The following MECOM variants were observed in gnomAD, a reference collection of about 807,000 sequenced individuals.
The protein encoded by MECOM is histone-lysine N-methyltransferase MECOM.
A neutral mutation model predicts 116.3 loss-of-function variants in MECOM; 13 were observed. The observed-to-expected ratio is 0.11, with a 90% confidence interval of 0.07 to 0.18. The LOEUF is 0.18. MECOM is among the 10% of genes least tolerant of loss of function. The pLI is 1.00. For missense variants in MECOM, 1,299 were observed against 1,509.0 expected (o/e 0.86, Z 2.31); for synonymous variants, 528 against 535.2 (o/e 0.99, Z 0.19).
chr3:169,596,193 A>G (rs1385294529), intron 1 of MECOM, among the ~76,000 whole-genome samples: 5 of 152,184 alleles, frequency 3.3e-5, no homozygotes, highest in African/African-American at 1.2e-4. Context: ...TACTTCCGAG[A>G]GATGTGCAAG....
chr3:169,400,549 T>C (rs1256554598), intron 1 of MECOM, among the ~76,000 whole-genome samples: 1 of 152,200 alleles, frequency 6.6e-6, no homozygotes, highest in Non-Finnish European at 1.5e-5. Flanking sequence ...TGGTTTTCTA[T>C]ATATATACAG....
At position 169,645,004 on chromosome 3, in the gene MECOM, C is replaced by A. The variant is rs568184811; in HGVS notation, c.37+18332G>T. ...ACACACAAATGACTGTGTTTCTCAA[C>A]AGGGGCTGTTTCTGTGTCCGTCCCA... is the stretch of plus-strand genomic sequence containing the variant. On this transcript the variant is annotated intron_variant, in intron 1 of 16. Coordinates refer to ENST00000651503, the MANE Select transcript of MECOM (RefSeq NM_004991.4). Among the ~76,000 whole-genome samples the A allele has an allele frequency of 2.6e-5, 4 of 152,284 alleles. No individual in the cohort carries two copies. The East Asian group carries it at 5.8e-4, about 22-fold the overall frequency.
At chr3:169,382,972 T>A (rs1233317862) in intron 1 of MECOM, among the ~76,000 whole-genome samples, 1 of 151,278 alleles carries the variant, frequency 6.6e-6, no homozygotes, top group Non-Finnish European at 1.5e-5. Context: ...CATCCCTAAC[T>A]CGTGCATCAA....
At chr3:169,572,818 G>A (rs550686692) in intron 1 of MECOM, among the ~76,000 whole-genome samples, 216 of 152,214 alleles carry the variant, frequency 1.4e-3, no homozygotes, top group African/African-American at 5.1e-3. Context: ...TCACACACCG[G>A]GGCCTGTTGG....
intron 1 of MECOM, among the ~76,000 whole-genome samples, chr3:169,640,233 A>G (rs1215191325): frequency 1.3e-5 from 2 of 152,224 alleles, no homozygotes; most frequent in African/African-American, 4.8e-5. Context: ...TAAATTACCT[A>G]CTGAAAGAAT....
intron 2 of MECOM, among the ~76,000 whole-genome samples, chr3:169,163,479 ATCTT>A (rs1485614394): frequency 6.6e-6 from 1 of 152,192 alleles, no homozygotes; most frequent in African/African-American, 2.4e-5. Flanking sequence ...TTATAATACA[ATCTT>A]TATTAAGTGC....
intron 1 of MECOM, among the ~76,000 whole-genome samples, chr3:169,490,278 G>A (rs879381335): frequency 3.3e-5 from 5 of 152,032 alleles, no homozygotes; most frequent in Admixed American, 2.0e-4. Flanking sequence ...CAATCAACAC[G>A]AGCTGTTATT....
intron 2 of MECOM, among the ~76,000 whole-genome samples, chr3:169,346,800 CATATAGTTCCAT>C (rs1267743030): frequency 2.0e-5 from 3 of 151,944 alleles, no homozygotes; most frequent in Admixed American, 6.6e-5. Flanking sequence ...CTGCTCTCAG[CATATAGTTCCAT>C]ATATAGTTCC....
Position 169,663,511 on chromosome 3 carries a change from TCTCTC to T in MECOM, c.-144_-140del. On this transcript the variant is annotated 5_prime_UTR_variant, in exon 1 of 17. Coordinates refer to ENST00000651503, the MANE Select transcript of MECOM (RefSeq NM_004991.4). ...CTCTCTCTCTCTCTCTCTCTCTCTCTCTCTCTCTCTCTCTCTCTCCCTCCCTCCTG... is the reference window on the plus strand; with the variant it reads ...CTCTCTCTCTCTCTCTCTCTCTCTCTTCTCTCTCTCTCTCCCTCCCTCCTG... 1 of 673,218 alleles carries T rather than the reference TCTCTC, an allele frequency of 1.5e-6. No individual in the cohort carries two copies. Among genetic ancestry groups the T allele is most frequent in the Non-Finnish European group, 2.6e-6 (1 of 382,594 alleles). The allele number at this position is 673,218 out of a possible 1,614,324, so 41.7% of individuals were successfully genotyped here. A position where few individuals can be genotyped will look rare whatever the true frequency, so the allele number is the denominator to read the frequency against.
intron 2 of MECOM, among the ~76,000 whole-genome samples, chr3:169,160,886 A>G (rs9819362): frequency 0.49 from 74,598 of 152,008 alleles, 19,200 homozygotes; most frequent in African/African-American, 0.63. Context: ...AAAAGAAGAC[A>G]AAACATTCAC....
chr3:169,137,435 A>G (rs937227968), intron 3 of MECOM, among the ~76,000 whole-genome samples: 1 of 152,156 alleles, frequency 6.6e-6, no homozygotes, highest in African/African-American at 2.4e-5. Context: ...AGCCTAATTA[A>G]TAAGAGGTAA....
In MECOM at chr3:169,381,354, T is replaced by C. The variant is rs1274356562; in HGVS notation, c.208A>G (p.Ile70Val). ...EGSPYKAPIY[I>V]PDDIPIPAEF... ...GCAGGAATGGGGATATCATCAGGGATGTAGATGGGGGCTTTGTAAGGAGAA... is the reference window on the plus strand; with the variant it reads ...GCAGGAATGGGGATATCATCAGGGACGTAGATGGGGGCTTTGTAAGGAGAA... Residue 70 changes from isoleucine to valine, a missense_variant, in exon 2 of 17, where the codon ATC becomes GTC. This residue lies in a region of MECOM where 374 missense variants were observed against 433.4 expected (regional missense o/e 0.86). Coordinates refer to ENST00000651503, the MANE Select transcript of MECOM (RefSeq NM_004991.4). 1.9e-5 allele frequency: 30 copies of C among 1,613,876 alleles called. No homozygotes were observed. The highest frequency in any genetic ancestry group is 2.5e-5 in the Non-Finnish European group (30 of 1,179,810).
At chr3:169,121,003 C>G (rs1730849499) in intron 7 of MECOM, 53 bp downstream of exon 7, 2 of 1,546,788 alleles carry the variant, frequency 1.3e-6, no homozygotes, top group East Asian at 4.6e-5. Context: ...GTCACAGTGC[C>G]TTTTGGGGAA....
intron 1 of MECOM, among the ~76,000 whole-genome samples, chr3:169,642,401 C>G (rs962987212): frequency 6.7e-6 from 1 of 149,768 alleles, no homozygotes; most frequent in African/African-American, 2.5e-5. Context: ...GAGCCGAGAT[C>G]GCGCCACTGC....
At chr3:169,642,090 A>G (rs905244049) in intron 1 of MECOM, among the ~76,000 whole-genome samples, 7 of 152,242 alleles carry the variant, frequency 4.6e-5, no homozygotes, top group Non-Finnish European at 1.0e-4. Flanking sequence ...TGTTTCTAAG[A>G]GTAGTTATCA....
chr3:169,272,195 G>A (rs1173315330), intron 2 of MECOM, among the ~76,000 whole-genome samples: 1 of 152,138 alleles, frequency 6.6e-6, no homozygotes, highest in East Asian at 1.9e-4. Context: ...ACTGTTAAAC[G>A]CAAAGGAGTC....
intron 1 of MECOM, among the ~76,000 whole-genome samples, chr3:169,527,245 A>C (rs1758062581): frequency 6.6e-6 from 1 of 152,210 alleles, no homozygotes; most frequent in Admixed American, 6.5e-5. Flanking sequence ...GGAAGTGAGC[A>C]GGAATGGTAT....
At chr3:169,540,357 G>A (rs1695339648) in intron 1 of MECOM, among the ~76,000 whole-genome samples, 1 of 151,942 alleles carries the variant, frequency 6.6e-6, no homozygotes, top group Admixed American at 6.5e-5. Flanking sequence ...TGTTCTCCAT[G>A]CCCAAATGCC....
chr3:169,322,997 TAAAAAAAAAAAAAAA>T (rs748984561), intron 2 of MECOM, among the ~76,000 whole-genome samples: 18 of 56,048 alleles, frequency 3.2e-4, no homozygotes, highest in Middle Eastern at 0.015. Flanking sequence ...AAGACTCCGG[TAAAAAAAAAAAAAAA>T]AAAAAAAAAA....
Sources: allele counts gnomAD v4.1 joint callset (sites outside exome capture counted in the v4.1 genomes callset), GRCh38; gene constraint gnomAD v4.1.1; regional missense constraint gnomAD v4.1.1; transcripts MANE v1.5; gene names NCBI Gene and HGNC (gene_info 2026-07-23, HGNC 2026-07-21).